The following ARHGEF4 variants were observed in gnomAD, a reference collection of about 807,000 sequenced individuals.
ARHGEF4 encodes the protein APC-stimulated guanine nucleotide exchange factor 1.
A neutral mutation model predicts 162.0 loss-of-function variants in ARHGEF4; 119 were observed. That is an observed-to-expected ratio of 0.73 (90% CI 0.63 to 0.86). The LOEUF is 0.86. Among genes scored for constraint, ARHGEF4 ranks in the 40% least tolerant of loss-of-function variants. The pLI, the probability that ARHGEF4 is intolerant of heterozygous loss-of-function variation, is 0.00. For missense variants in ARHGEF4, 2,488 were observed against 2,456.0 expected (o/e 1.01, Z -0.28); for synonymous variants, 1,014 against 979.9 (o/e 1.03, Z -0.65).
At chr2:130,845,618 G>A (rs1574084335) in intron 1 of ARHGEF4, among the ~76,000 whole-genome samples, 2 of 152,186 alleles carry the variant, frequency 1.3e-5, no homozygotes, top group Middle Eastern at 6.8e-3. Context: ...TTTTTACAGA[G>A]GCATGCTGAC....
intron 1 of ARHGEF4, among the ~76,000 whole-genome samples, chr2:130,873,400 C>T (rs1183175465): frequency 6.6e-6 from 1 of 151,966 alleles, no homozygotes; most frequent in Non-Finnish European, 1.5e-5. Flanking sequence ...ACCAGCCTGG[C>T]CAACGTGGTG....
At chr2:130,948,662 A>T (rs1251907296) in intron 4 of ARHGEF4, among the ~76,000 whole-genome samples, 2 of 152,248 alleles carry the variant, frequency 1.3e-5, no homozygotes, top group Non-Finnish European at 2.9e-5. Context: ...ATGTATGCAT[A>T]CCAAGGGCAA....
At chr2:131,023,128 T>G (rs913251610) in intron 4 of ARHGEF4, among the ~76,000 whole-genome samples, 3 of 137,000 alleles carry the variant, frequency 2.2e-5, no homozygotes, top group African/African-American at 7.9e-5. Context: ...AAACACCAAT[T>G]ATTAAATAGG....
At chr2:130,897,722 G>C (rs1680243403) in intron 1 of ARHGEF4, among the ~76,000 whole-genome samples, 1 of 152,200 alleles carries the variant, frequency 6.6e-6, no homozygotes, top group Non-Finnish European at 1.5e-5. Context: ...CTCAAGATGA[G>C]GAAGCTGAGG....
chr2:130,993,720 T>C (rs1259797206), intron 4 of ARHGEF4, among the ~76,000 whole-genome samples: 1 of 152,224 alleles, frequency 6.6e-6, no homozygotes, highest in Non-Finnish European at 1.5e-5. Context: ...AATTCAGCTA[T>C]TCTAGCTTTG....
chr2:130,944,845 G>A (rs1219353515), intron 3 of ARHGEF4, among the ~76,000 whole-genome samples: 1 of 151,890 alleles, frequency 6.6e-6, no homozygotes. Context: ...CATCTTAAAT[G>A]TTATGTTATG....
intron 2 of ARHGEF4, among the ~76,000 whole-genome samples, chr2:130,922,645 A>C (rs963536603): frequency 6.6e-6 from 1 of 152,188 alleles, no homozygotes; most frequent in Non-Finnish European, 1.5e-5. Context: ...GTTAGTCTAG[A>C]GTCCGCATAG....
At chr2:130,971,758 G>C (rs1685386696) in intron 4 of ARHGEF4, among the ~76,000 whole-genome samples, 1 of 152,152 alleles carries the variant, frequency 6.6e-6, no homozygotes, top group Non-Finnish European at 1.5e-5. Context: ...GTTTTGGGAG[G>C]ATTGAAATCT....
At chr2:130,881,567 T>C (rs981535180) in intron 1 of ARHGEF4, among the ~76,000 whole-genome samples, 4 of 151,032 alleles carry the variant, frequency 2.6e-5, no homozygotes, top group Non-Finnish European at 5.9e-5. Flanking sequence ...CTTGGGCTTC[T>C]GCCCTTGCTG....
chr2:130,915,713 C>T lies in ARHGEF4; in HGVS notation c.1767C>T (p.Phe589=). Residue 589 remains phenylalanine, a synonymous_variant, in exon 2 of 14, where the codon TTC becomes TTT. Coordinates refer to ENST00000409359, the MANE Select transcript of ARHGEF4 (RefSeq NM_001367493.1). ...AGGCTTTGCAAGGTCTTTCAGAATT[C>T]AAGGCAGCCACGGTGTCTCACTGCG... ...REQALQGLSE[F]KAATVSHCGP... 6.5e-7 allele frequency: 1 copy of T among 1,549,948 alleles called. No homozygotes were observed. Among genetic ancestry groups the T allele is most frequent in the African/African-American group, 1.4e-5 (1 of 73,140 alleles).
chr2:131,039,415 C>G, intron 6 of ARHGEF4: 1 of 1,043,104 alleles, frequency 9.6e-7, no homozygotes, highest in Non-Finnish European at 1.2e-6. Context: ...GAAGTTGAGG[C>G]ACGGTCAAGT....
intron 5 of ARHGEF4, among the ~76,000 whole-genome samples, chr2:131,033,829 C>G (rs538098953): frequency 2.0e-5 from 3 of 152,298 alleles, no homozygotes; most frequent in African/African-American, 7.2e-5. Context: ...ATCCCTGACA[C>G]TTCTCTGCAC....
chr2:130,922,348 G>T (rs1276240765), intron 2 of ARHGEF4, among the ~76,000 whole-genome samples: 1 of 151,634 alleles, frequency 6.6e-6, no homozygotes, highest in Admixed American at 6.6e-5. Flanking sequence ...TCCAGCCTGG[G>T]CAACAAGAGT....
chr2:130,914,058 G>C lies in ARHGEF4; in HGVS notation c.112G>C (p.Glu38Gln). The C allele has an allele frequency of 3.3e-6, 5 of 1,536,146 alleles. No homozygotes were observed. Among genetic ancestry groups the C allele is most frequent in the Non-Finnish European group, 3.5e-6 (4 of 1,146,912 alleles). Residue 38 changes from glutamate (E) to glutamine (Q), a missense_variant, in exon 2 of 14, where the codon GAA becomes CAA. Glu to Gln is a conservative substitution (Grantham distance 29). Around this residue, in one of 6 missense-constraint regions of ARHGEF4, gnomAD observed 171 missense variants for 169.4 expected, o/e 1.01. Coordinates refer to ENST00000409359, the MANE Select transcript of ARHGEF4 (RefSeq NM_001367493.1). ...TAACCAGCTCCCCACATCCCCTGCAGAACAAGTGGAGCAGGGATGGAACCA... is the reference window on the plus strand; with the variant it reads ...TAACCAGCTCCCCACATCCCCTGCACAACAAGTGGAGCAGGGATGGAACCA... ...EDNQLPTSPAEQVEQGWNQQT... is the reference protein window; with the variant it reads ...EDNQLPTSPAQQVEQGWNQQT...
intron 4 of ARHGEF4, among the ~76,000 whole-genome samples, chr2:131,012,982 C>T (rs1688561260): frequency 6.6e-6 from 1 of 152,168 alleles, no homozygotes. Flanking sequence ...ATGTAAAAAC[C>T]ACACCTTCAA....
At chr2:130,972,533 C>G (rs1405374338) in intron 4 of ARHGEF4, among the ~76,000 whole-genome samples, 1 of 152,168 alleles carries the variant, frequency 6.6e-6, no homozygotes, top group African/African-American at 2.4e-5. Flanking sequence ...CTGACTCAGT[C>G]CTCTGTTGTG....
rs1191509742 is a variant in ARHGEF4, at chr2:130,860,552, C to CA, written c.39+23568dup. On this transcript the variant is annotated intron_variant, in intron 1 of 13. Coordinates refer to ENST00000409359, the MANE Select transcript of ARHGEF4 (RefSeq NM_001367493.1). ...TGAAACCCCGTCTCTACTAAAAATACAAAAAAAATTAGCTGGGCATGGTGG... is the reference window on the plus strand; with the variant it reads ...TGAAACCCCGTCTCTACTAAAAATACAAAAAAAAATTAGCTGGGCATGGTGG... Among the ~76,000 whole-genome samples, 34 of 99,614 alleles carry CA rather than the reference C, an allele frequency of 3.4e-4. 7 individuals are homozygous for CA. Among genetic ancestry groups the CA allele is most frequent in the South Asian group, 1.8e-3 (5 of 2,716 alleles). 65.4% of individuals were successfully genotyped at this position (99,614 alleles called of 152,430 possible).
chr2:131,040,497 G>T (rs1316072355), intron 8 of ARHGEF4, 57 bp downstream of exon 8: 1 of 1,476,292 alleles, frequency 6.8e-7, no homozygotes, highest in Non-Finnish European at 9.0e-7. Flanking sequence ...GGCTGCCGCG[G>T]GCGCCAGCGC....
chr2:130,861,080 C>A, intron 1 of ARHGEF4, among the ~76,000 whole-genome samples: 3 of 64,148 alleles, frequency 4.7e-5, no homozygotes, highest in Non-Finnish European at 8.1e-5. Context: ...TCACTAAATG[C>A]AAAAGGAAGA....
Sources: gnomAD v4.1 joint callset for allele counts (sites outside exome capture counted in the v4.1 genomes callset) on GRCh38, gnomAD v4.1.1 for gene constraint, gnomAD v4.1.1 regional missense constraint, MANE v1.5 for transcripts, NCBI Gene and HGNC (gene_info 2026-07-23, HGNC 2026-07-21) for gene names.